SELP: variants seen among roughly 807,000 people sequenced by gnomAD.
SELP encodes the protein selectin P.
Under a neutral mutation model 104.1 loss-of-function variants are expected in SELP, and 92 were observed. That is an observed-to-expected ratio of 0.88 (90% confidence interval 0.75 to 1.05). The LOEUF is 1.05. Ranked by LOEUF, SELP falls within the 50% of genes least tolerant of loss-of-function variation. The pLI, the probability that SELP is intolerant of heterozygous loss-of-function variation, is 0.00. For missense variants in SELP, 1,022 were observed against 1,017.3 expected (o/e 1.00, Z -0.06); for synonymous variants, 397 against 364.5 (o/e 1.09, Z -1.01).
rs142730224 is a variant in SELP, at chr1:169,598,908, T to G, written c.1706-1732A>C. ...AAAAGAAACAAGAGGAATTACTGTTTTTAAAAATTAACCGAAGGGGGCCCT... is the reference window on the plus strand; with the variant it reads ...AAAAGAAACAAGAGGAATTACTGTTGTTAAAAATTAACCGAAGGGGGCCCT... On this transcript the variant is annotated intron_variant, in intron 10 of 16. Transcript: ENST00000263686. Among the ~76,000 whole-genome samples, 523 of 152,304 alleles carry G rather than the reference T, an allele frequency of 3.4e-3. 2 individuals are homozygous for G. Among genetic ancestry groups the G allele is most frequent in the Non-Finnish European group, 6.0e-3 (410 of 68,018 alleles).
intron 3 of SELP, 73 bp downstream of exon 3, chr1:169,616,955 T>TA: frequency 7.4e-7 from 1 of 1,349,990 alleles, no homozygotes; most frequent in Non-Finnish European, 9.6e-7. Flanking sequence ...GACTCGGTGG[T>TA]TATGTTGGCC....
intron 10 of SELP, among the ~76,000 whole-genome samples, chr1:169,602,559 T>A (rs902036030): frequency 6.6e-6 from 1 of 152,220 alleles, no homozygotes; most frequent in Non-Finnish European, 1.5e-5. Flanking sequence ...TTCCTTATTA[T>A]TTTAGAATTG....
chr1:169,599,154 A>G (rs1661772681), intron 10 of SELP, among the ~76,000 whole-genome samples: 1 of 152,168 alleles, frequency 6.6e-6, no homozygotes, highest in African/African-American at 2.4e-5. Flanking sequence ...GGGGCAGCCT[A>G]GATGAGTTAC....
At chr1:169,597,947 A>G (rs1375414333) in intron 10 of SELP, among the ~76,000 whole-genome samples, 2 of 152,122 alleles carry the variant, frequency 1.3e-5, no homozygotes, top group South Asian at 2.1e-4. Flanking sequence ...GAATTCTTCA[A>G]CTTTTTGTCT....
In SELP at chr1:169,602,920, G is replaced by T. The variant is rs997347430; in HGVS notation, c.1705+106C>A. Reference sequence around the variant, plus strand: ...ATCTAGATTACCATTGTTGTGGAGAGTGTTGTTTGCTTCAGCTCAAGAACA... The same window carrying T: ...ATCTAGATTACCATTGTTGTGGAGATTGTTGTTTGCTTCAGCTCAAGAACA... On this transcript the variant is annotated intron_variant, in intron 10 of 16. Transcript: ENST00000263686. 29 of 843,274 alleles carry T rather than the reference G, an allele frequency of 3.4e-5. No homozygotes were observed. The East Asian group carries it at 6.4e-4, about 19-fold the overall frequency. The allele number at this position is 843,274 out of a possible 1,614,324, so 52.2% of individuals were successfully genotyped here.
At chr1:169,619,902 A>G (rs989050630) in intron 1 of SELP, among the ~76,000 whole-genome samples, 1 of 152,080 alleles carries the variant, frequency 6.6e-6, no homozygotes, top group African/African-American at 2.4e-5. Context: ...ATCTATGAAT[A>G]TTTTTAAAAT....
chr1:169,612,126 C>T, intron 6 of SELP, 91 bp downstream of exon 6: 1 of 1,345,492 alleles, frequency 7.4e-7, no homozygotes, highest in Non-Finnish European at 1.0e-6. Flanking sequence ...CAATTCAGGC[C>T]AGCTTCTCCA....
chr1:169,602,202 G>C (rs906868527), intron 10 of SELP, among the ~76,000 whole-genome samples: 12 of 152,124 alleles, frequency 7.9e-5, no homozygotes, highest in Non-Finnish European at 1.5e-4. Flanking sequence ...CTGTCTAGCT[G>C]CTGCAGGGGG....
intron 10 of SELP, among the ~76,000 whole-genome samples, chr1:169,601,706 G>A (rs2101882727): frequency 6.6e-6 from 1 of 152,234 alleles, no homozygotes; most frequent in Middle Eastern, 3.4e-3. Context: ...ATCAGACTAG[G>A]CCTGGGTTTG....
chr1:169,627,576 G>A (rs1663433154), intron 1 of SELP, among the ~76,000 whole-genome samples: 1 of 152,160 alleles, frequency 6.6e-6, no homozygotes, highest in Admixed American at 6.5e-5. Flanking sequence ...TAGACACCTT[G>A]AAGACAATAT....
At chr1:169,608,533 T>A (rs1261808664) in intron 8 of SELP, among the ~76,000 whole-genome samples, 1 of 152,146 alleles carries the variant, frequency 6.6e-6, no homozygotes, top group Non-Finnish European at 1.5e-5. Flanking sequence ...GTAGCAGAGG[T>A]CAGAATTTAC....
chr1:169,602,371 G>A (rs978209174), intron 10 of SELP, among the ~76,000 whole-genome samples: 4 of 152,170 alleles, frequency 2.6e-5, no homozygotes, highest in African/African-American at 7.2e-5. Flanking sequence ...TCAGTTGAAG[G>A]TGAATGTAGG....
At position 169,590,145 on chromosome 1, in the gene SELP, A is replaced by C; in HGVS notation, c.*1+2T>G. 3.1e-6 allele frequency: 5 copies of C among 1,604,594 alleles called. No individual in the cohort carries two copies. Among genetic ancestry groups the C allele is most frequent in the Non-Finnish European group, 4.3e-6 (5 of 1,171,412 alleles). On this transcript the variant is annotated splice_donor_variant, in intron 16 of 16. Coordinates refer to ENST00000263686, the MANE Select transcript of SELP (RefSeq NM_003005.4). LOFTEE classifies it low-confidence loss of function (3UTR_SPLICE). ...TCAAAAATATCTTTATAGGGATCTT[A>C]CCTTAAGGACTCGGGTCAAATGCAG...
chr1:169,617,310 A>G lies in SELP; in HGVS notation c.199T>C (p.Leu67=), dbSNP rs1662871273. 6.2e-7 allele frequency: 1 copy of G among 1,613,930 alleles called. No individual in the cohort carries two copies. The highest frequency in any genetic ancestry group is 1.1e-5 in the South Asian group (1 of 91,084). Residue 67 remains leucine, a synonymous_variant, in exon 3 of 17, where the codon TTA becomes CTA. Transcript: ENST00000263686. ...RKYCQNRYTD[L]VAIQNKNEID... is the part of the protein sequence containing the mutation. ...TCATTTTTATTCTGGATGGCCACTA[A>G]GTCTGTGTAGCGATTCTGGCAGTAT...
In SELP at chr1:169,630,120, C is replaced by T. The variant is rs756001556; in HGVS notation, c.-46G>A. The T allele has an allele frequency of 1.2e-6, 2 of 1,613,964 alleles. No individual in the cohort carries two copies. The highest frequency in any genetic ancestry group is 1.7e-6 in the Non-Finnish European group (2 of 1,179,922). On this transcript the variant is annotated 5_prime_UTR_variant, in exon 1 of 17. Coordinates refer to ENST00000263686, the MANE Select transcript of SELP (RefSeq NM_003005.4). ...TTTTCTGCCTTCTGCCCAACCCAGA[C>T]TGCTTACAGTCTCACTGCCTCCCCT...
At chr1:169,591,487 A>AT in intron 14 of SELP, 31 bp from the exon 15 acceptor site, 1 of 1,414,328 alleles carries the variant, frequency 7.1e-7, no homozygotes, top group South Asian at 1.3e-5. Flanking sequence ...AGAATGAATG[A>AT]TTAAAAAAAA....
Position 169,603,103 on chromosome 1 carries a change from C to T in SELP, c.1628G>A (p.Gly543Glu), listed in dbSNP as rs781178246. 6 of 1,613,936 alleles carry T rather than the reference C, an allele frequency of 3.7e-6. No homozygotes were observed. The East Asian group carries it at 1.1e-4, about 30-fold the overall frequency. Reference sequence around the variant, plus strand: ...TCTTTCTGGTCCAGACAAAGAATATCCCTCGTCACAGATGAATTGACATGT... The same window carrying T: ...TCTTTCTGGTCCAGACAAAGAATATTCCTCGTCACAGATGAATTGACATGT... ...KSTCQFICDE[G>E]YSLSGPERLD... is the part of the protein sequence containing the mutation. The change falls in exon 10 of 17, where the codon GGA becomes GAA. Residue 543 changes from glycine (G) to glutamate (E), a missense_variant. Transcript: ENST00000263686.
chr1:169,591,442 G>T lies in SELP; in HGVS notation c.2422C>A (p.Pro808Thr). 1.3e-6 allele frequency: 2 copies of T among 1,581,404 alleles called. No individual in the cohort carries two copies. The highest frequency in any genetic ancestry group is 1.7e-6 in the Non-Finnish European group (2 of 1,165,358). ...RFRQKDDGKC[P>T]LNPHSHLGTY... ...CTACCTTACCTGTGAGGATTCAAGG[G>T]GCATTTCCCATCATCTAAAATCAGC... The change falls in exon 15 of 17, where the codon CCC becomes ACC. Residue 808 changes from proline (P) to threonine (T), a missense_variant. Transcript: ENST00000263686.
chr1:169,616,958 T>C, intron 3 of SELP, 70 bp downstream of exon 3: 3 of 1,426,426 alleles, frequency 2.1e-6, no homozygotes, highest in Non-Finnish European at 2.8e-6. Context: ...TCGGTGGTTA[T>C]GTTGGCCAAC....
Sources: allele counts gnomAD v4.1 joint callset (sites outside exome capture counted in the v4.1 genomes callset), GRCh38; gene constraint gnomAD v4.1.1; transcripts MANE v1.5; gene names NCBI Gene and HGNC (gene_info 2026-07-23, HGNC 2026-07-21).